The following CCDC148 variants were observed in gnomAD, a reference collection of about 807,000 sequenced individuals.
The protein encoded by CCDC148 is coiled-coil domain-containing protein 148.
CCDC148 carries 89 observed loss-of-function variants against 85.7 expected under a neutral mutation model. The observed-to-expected ratio is 1.04, with a 90% CI of 0.87 to 1.24. The LOEUF is 1.24. CCDC148 is among the 50% of genes most tolerant of loss of function. The probability of loss-of-function intolerance (pLI) is 0.00; values close to 1 mark genes in which losing one functional copy is unlikely to be tolerated. For missense variants in CCDC148, 692 were observed against 671.7 expected, an observed-to-expected ratio of 1.03 and a Z score of -0.33; for synonymous variants, 230 against 213.9, an observed-to-expected ratio of 1.08 and a Z score of -0.66.
At chr2:158,296,172 C>G (rs190199086) in intron 9 of CCDC148, among the ~76,000 whole-genome samples, 39 of 152,262 alleles carry the variant, frequency 2.6e-4, no homozygotes, top group Non-Finnish European at 5.9e-5. Context: ...AAAATTCCCC[C>G]AAGTTGTCTT....
At chr2:158,422,540 A>C (rs1273330863) in intron 1 of CCDC148, among the ~76,000 whole-genome samples, 1 of 152,190 alleles carries the variant, frequency 6.6e-6, no homozygotes, top group Non-Finnish European at 1.5e-5. Flanking sequence ...ACAGCCCTTC[A>C]TGCTAAAAAC....
chr2:158,234,162 C>A (rs1406509042), intron 10 of CCDC148, among the ~76,000 whole-genome samples: 1 of 151,274 alleles, frequency 6.6e-6, no homozygotes, highest in East Asian at 1.9e-4. Flanking sequence ...GGCAACAGAG[C>A]GAGACTCCAT....
chr2:158,313,958 T>G (rs1692164580), intron 7 of CCDC148, 64 bp from the exon 8 acceptor site: 2 of 1,489,114 alleles, frequency 1.3e-6, no homozygotes, highest in Non-Finnish European at 1.8e-6. Flanking sequence ...GGACTCAAAC[T>G]GTTCAAGCTA....
chr2:158,410,374 C>T (rs188015131), intron 1 of CCDC148, among the ~76,000 whole-genome samples: 1 of 152,090 alleles, frequency 6.6e-6, no homozygotes, highest in African/African-American at 2.4e-5. Context: ...TAAGTGAGAA[C>T]TTCTTATTGT....
At chr2:158,353,595 C>G (rs1459567170) in intron 2 of CCDC148, among the ~76,000 whole-genome samples, 1 of 151,942 alleles carries the variant, frequency 6.6e-6, no homozygotes, top group African/African-American at 2.4e-5. Context: ...GAGTGACCTA[C>G]AAAGAGACTT....
chr2:158,329,238 G>C (rs903145391), intron 7 of CCDC148, among the ~76,000 whole-genome samples: 1 of 152,170 alleles, frequency 6.6e-6, no homozygotes, highest in African/African-American at 2.4e-5. Flanking sequence ...CATATGGCTA[G>C]CCAGTTTTCC....
intron 9 of CCDC148, among the ~76,000 whole-genome samples, chr2:158,263,844 T>C (rs575746545): frequency 2.5e-4 from 38 of 152,108 alleles, no homozygotes; most frequent in Non-Finnish European, 4.0e-4. Flanking sequence ...TAGGGGATTA[T>C]GATGCCTAGC....
chr2:158,320,655 AT>A (rs770275329), intron 7 of CCDC148, among the ~76,000 whole-genome samples: 1 of 152,202 alleles, frequency 6.6e-6, no homozygotes, highest in Non-Finnish European at 1.5e-5. Context: ...CCAATAACAA[AT>A]GTCAGTTGTC....
At chr2:158,228,944 A>G (rs1193666027) in intron 10 of CCDC148, among the ~76,000 whole-genome samples, 3 of 150,634 alleles carry the variant, frequency 2.0e-5, no homozygotes, top group African/African-American at 7.3e-5. Context: ...ATGTACCATA[A>G]AACTTAAAGT....
chr2:158,342,090 C>T (rs565072552), intron 3 of CCDC148, among the ~76,000 whole-genome samples: 1 of 129,656 alleles, frequency 7.7e-6, no homozygotes, highest in East Asian at 2.3e-4. Context: ...AGTGCAATGG[C>T]GTGATCTCGA....
chr2:158,217,305 T>A (rs1686914063), intron 11 of CCDC148, among the ~76,000 whole-genome samples: 1 of 144,508 alleles, frequency 6.9e-6, no homozygotes, highest in Non-Finnish European at 1.5e-5. Context: ...ATTTTATTTA[T>A]GTAGGTATAT....
chr2:158,287,994 C>G (rs1690708411), intron 9 of CCDC148, among the ~76,000 whole-genome samples: 1 of 152,184 alleles, frequency 6.6e-6, no homozygotes, highest in South Asian at 2.1e-4. Flanking sequence ...AATTCTTGAC[C>G]TCTGTGCACC....
Position 158,339,022 on chromosome 2 carries a change from T to C in CCDC148, c.550A>G (p.Ile184Val). The C allele has an allele frequency of 1.2e-6, 2 of 1,613,922 alleles. No individual in the cohort carries two copies. The highest frequency in any genetic ancestry group is 1.7e-6 in the Non-Finnish European group (2 of 1,179,838). ...CTCCAGTCTGAAAGATCATTTTCTA[T>C]TCTCTGTTGCTCCAGCCTAAGTCTT... is the stretch of plus-strand genomic sequence containing the variant. ...FERLRLEQQR[I>V]ENDLSDWSIK... is the part of the protein sequence containing the mutation. The change falls in exon 6 of 14, where the codon ATA becomes GTA. Residue 184 changes from isoleucine (I) to valine (V), a missense_variant. Transcript: ENST00000283233.
Position 158,385,715 on chromosome 2 carries a change from T to G in CCDC148, c.26-27145A>C, listed in dbSNP as rs902113320. Among the ~76,000 whole-genome samples the G allele has an allele frequency of 2.0e-5, 3 of 152,172 alleles. 1 individual carries two copies. The highest frequency in any genetic ancestry group is 4.4e-5 in the Non-Finnish European group (3 of 68,024). On this transcript the variant is annotated intron_variant, in intron 1 of 13. Coordinates refer to ENST00000283233, the MANE Select transcript of CCDC148 (RefSeq NM_138803.4). Reference sequence around the variant, plus strand: ...CTTCTGTGGCATGTCATGATAGGTCTTAGCCTCCTGACACTGCTGTAGGTC... The same window carrying G: ...CTTCTGTGGCATGTCATGATAGGTCGTAGCCTCCTGACACTGCTGTAGGTC...
intron 10 of CCDC148, among the ~76,000 whole-genome samples, chr2:158,227,438 C>A (rs1687606728): frequency 6.6e-6 from 1 of 152,028 alleles, no homozygotes; most frequent in Admixed American, 6.6e-5. Flanking sequence ...ACTTTCTTCA[C>A]AGAATTGGAA....
At chr2:158,397,076 C>T (rs1685553567) in intron 1 of CCDC148, among the ~76,000 whole-genome samples, 1 of 152,014 alleles carries the variant, frequency 6.6e-6, no homozygotes, top group South Asian at 2.1e-4. Flanking sequence ...TCCCACTCTC[C>T]AGGCAGCAAG....
intron 1 of CCDC148, among the ~76,000 whole-genome samples, chr2:158,445,983 TAAA>T: frequency 6.6e-6 from 1 of 152,166 alleles, no homozygotes; most frequent in Non-Finnish European, 1.5e-5. Flanking sequence ...ATATAGTCAT[TAAA>T]ATAGACACTG....
At position 158,176,450 on chromosome 2, in the gene CCDC148, C is replaced by A. The variant is rs564811474; in HGVS notation, c.1629+71G>T. 8.8e-6 allele frequency: 13 copies of A among 1,476,392 alleles called. No homozygotes were observed. In the East Asian group the frequency reaches 2.8e-4, roughly 32 times the overall value. 91.5% of individuals were successfully genotyped at this position (1,476,392 alleles called of 1,614,324 possible). The stretch of plus-strand genomic sequence containing the variant: ...TAAATATTGAAAACTGTTGTAACCC[C>A]AAACACACACTTCTACAGTCCTTAC... On this transcript the variant is annotated intron_variant, in intron 13 of 13. Coordinates refer to ENST00000283233, the MANE Select transcript of CCDC148 (RefSeq NM_138803.4).
intron 2 of CCDC148, among the ~76,000 whole-genome samples, chr2:158,349,725 C>T (rs1683166854): frequency 6.6e-6 from 1 of 151,882 alleles, no homozygotes; most frequent in African/African-American, 2.4e-5. Flanking sequence ...GCAATATTCC[C>T]AATGCATCTT....
Sources: allele counts gnomAD v4.1 joint callset (sites outside exome capture counted in the v4.1 genomes callset), GRCh38; gene constraint gnomAD v4.1.1; transcripts MANE v1.5; gene names NCBI Gene and HGNC (gene_info 2026-07-23, HGNC 2026-07-21).